The following CAMKMT variants were observed in gnomAD, a reference collection of about 807,000 sequenced individuals.
The protein encoded by CAMKMT is CaM KMT.
In CAMKMT, 53 loss-of-function variants were observed where a neutral mutation model predicts 48.0. That is an observed-to-expected ratio of 1.10 (90% CI 0.89 to 1.39). The LOEUF is 1.39. Among genes scored for constraint, CAMKMT ranks in the 40% most tolerant of loss-of-function variants. CAMKMT has a pLI of 0.00. For synonymous variants in CAMKMT, 165 were observed against 152.3 expected (o/e 1.08, Z -0.61); for missense variants, 428 against 402.7 (o/e 1.06, Z -0.54).
chr2:44,434,305 A>T (rs1054574672), intron 3 of CAMKMT, among the ~76,000 whole-genome samples: 14 of 152,150 alleles, frequency 9.2e-5, no homozygotes, highest in African/African-American at 3.4e-4. Context: ...GTTTATCTGA[A>T]GCACAGGAAG....
intron 3 of CAMKMT, among the ~76,000 whole-genome samples, chr2:44,684,457 G>T (rs1160340301): frequency 2.0e-5 from 3 of 151,656 alleles, no homozygotes; most frequent in Non-Finnish European, 4.4e-5. Flanking sequence ...ATGGCTTAAG[G>T]TTACGAATTT....
intron 3 of CAMKMT, among the ~76,000 whole-genome samples, chr2:44,611,617 C>G (rs1000485367): frequency 6.6e-6 from 1 of 152,058 alleles, no homozygotes; most frequent in Admixed American, 6.5e-5. Context: ...ATATTTTCTT[C>G]AGCCCTTTAA....
intron 7 of CAMKMT, among the ~76,000 whole-genome samples, chr2:44,735,442 G>A (rs954638468): frequency 5.9e-5 from 9 of 151,958 alleles, no homozygotes; most frequent in African/African-American, 2.2e-4. Flanking sequence ...TGTTCTGCTT[G>A]CTTTTGGATT....
intron 3 of CAMKMT, among the ~76,000 whole-genome samples, chr2:44,524,767 G>T (rs961852032): frequency 4.6e-5 from 7 of 152,092 alleles, no homozygotes; most frequent in African/African-American, 1.7e-4. Context: ...ACTCCTGATG[G>T]GCAAAGGCCA....
At chr2:44,654,469 C>T (rs1052948143) in intron 3 of CAMKMT, among the ~76,000 whole-genome samples, 3 of 152,102 alleles carry the variant, frequency 2.0e-5, no homozygotes, top group African/African-American at 7.2e-5. Context: ...GCCCTTTAGA[C>T]CTTTTTACAC....
At chr2:44,445,407 C>G (rs1353122588) in intron 3 of CAMKMT, among the ~76,000 whole-genome samples, 1 of 152,126 alleles carries the variant, frequency 6.6e-6, no homozygotes, top group Non-Finnish European at 1.5e-5. Flanking sequence ...AGCCATTCAT[C>G]TTCAGTTTGT....
chr2:44,550,981 A>T (rs1667682342), intron 3 of CAMKMT, among the ~76,000 whole-genome samples: 1 of 152,144 alleles, frequency 6.6e-6, no homozygotes, highest in Non-Finnish European at 1.5e-5. Context: ...ACAATATATG[A>T]CAACTTGCAA....
chr2:44,599,073 A>T (rs1670835108), intron 3 of CAMKMT, among the ~76,000 whole-genome samples: 1 of 152,046 alleles, frequency 6.6e-6, no homozygotes, highest in Non-Finnish European at 1.5e-5. Flanking sequence ...TTTTCTGTGG[A>T]TGTTGACACA....
intron 2 of CAMKMT, among the ~76,000 whole-genome samples, chr2:44,389,857 G>A (rs1485550113): frequency 6.6e-6 from 1 of 152,098 alleles, no homozygotes; most frequent in East Asian, 1.9e-4. Context: ...CTGTTATAGA[G>A]TAAATTTATG....
intron 3 of CAMKMT, among the ~76,000 whole-genome samples, chr2:44,638,051 TCTC>T: frequency 1.1e-5 from 1 of 88,330 alleles, no homozygotes; most frequent in African/African-American, 3.3e-5. Flanking sequence ...CGAGACTCCA[TCTC>T]AAACCAAAAA....
chr2:44,516,605 A>G (rs1230134090), intron 3 of CAMKMT, among the ~76,000 whole-genome samples: 4 of 152,144 alleles, frequency 2.6e-5, no homozygotes, highest in Non-Finnish European at 4.4e-5. Context: ...GAATATTTAG[A>G]AAAGCTCTGT....
intron 3 of CAMKMT, among the ~76,000 whole-genome samples, chr2:44,603,214 G>C (rs1671099905): frequency 6.6e-6 from 1 of 151,912 alleles, no homozygotes; most frequent in South Asian, 2.1e-4. Context: ...TCAGCCTCCT[G>C]AGTAGCTGGG....
chr2:44,589,367 AC>A (rs1467819930), intron 3 of CAMKMT, among the ~76,000 whole-genome samples: 12 of 51,774 alleles, frequency 2.3e-4, no homozygotes, highest in Middle Eastern at 0.011. Context: ...CCCGGCCACG[AC>A]CCCGTCTGGG....
At chr2:44,519,584 G>A (rs556946751) in intron 3 of CAMKMT, among the ~76,000 whole-genome samples, 1 of 152,334 alleles carries the variant, frequency 6.6e-6, no homozygotes, top group South Asian at 2.1e-4. Flanking sequence ...TAAGCCTTGA[G>A]TGACTTCTTT....
chr2:44,546,321 T>C (rs1245498469), intron 3 of CAMKMT, among the ~76,000 whole-genome samples: 1 of 152,176 alleles, frequency 6.6e-6, no homozygotes, highest in Non-Finnish European at 1.5e-5. Flanking sequence ...ATTCCAACTT[T>C]TAGCATTTTC....
intron 2 of CAMKMT, among the ~76,000 whole-genome samples, chr2:44,389,619 A>G (rs1681125856): frequency 6.6e-6 from 1 of 152,144 alleles, no homozygotes; most frequent in African/African-American, 2.4e-5. Context: ...GTCTATTTGT[A>G]TATAACAAAT....
rs1251877575 is a variant in CAMKMT at position 44,437,796 on chromosome 2, G to A, written c.376+47491G>A. On this transcript the variant is annotated intron_variant, in intron 3 of 10. Transcript: ENST00000378494. ...AGGAGTTTGAAGCTGCAGTGATTCAGCCACTGTACTTTGGCTCAGGCAACA... is the reference window on the plus strand; with the variant it reads ...AGGAGTTTGAAGCTGCAGTGATTCAACCACTGTACTTTGGCTCAGGCAACA... 4.2e-5 allele frequency among the ~76,000 whole-genome samples: 6 copies of A among 142,804 alleles called. No individual in the cohort carries two copies. In the Admixed American group the frequency reaches 4.6e-4, roughly 11 times the overall value. The allele number at this position is 142,804 out of a possible 152,430, so 93.7% of individuals were successfully genotyped here. A position where few individuals can be genotyped will look rare whatever the true frequency, so the allele number is the denominator to read the frequency against.
chr2:44,566,432 A>G (rs1007827234), intron 3 of CAMKMT, among the ~76,000 whole-genome samples: 1 of 152,206 alleles, frequency 6.6e-6, no homozygotes, highest in African/African-American at 2.4e-5. Flanking sequence ...AAAAGAATAA[A>G]TTGCTAAGTT....
At chr2:44,513,611 A>G (rs1327800218) in intron 3 of CAMKMT, among the ~76,000 whole-genome samples, 3 of 152,192 alleles carry the variant, frequency 2.0e-5, no homozygotes, top group Non-Finnish European at 4.4e-5. Context: ...TCGGGACCAT[A>G]GGCCAGTTCC....
Sources: allele counts gnomAD v4.1 joint callset (sites outside exome capture counted in the v4.1 genomes callset), GRCh38; gene constraint gnomAD v4.1.1; transcripts MANE v1.5; gene names NCBI Gene and HGNC (gene_info 2026-07-23, HGNC 2026-07-21).